Variants in MIER1 observed in about 807,000 individuals in gnomAD.
MIER1 encodes MIER1 transcriptional regulator, also known as mesoderm induction early response protein 1.
A neutral mutation model predicts 75.7 loss-of-function variants in MIER1; 40 were observed. That is an observed-to-expected ratio of 0.53 (90% CI 0.41 to 0.69). The LOEUF (loss-of-function observed/expected upper bound fraction) is 0.69, where lower values mean the gene tolerates loss of function less well. Among genes scored for constraint, MIER1 ranks in the 30% least tolerant of loss-of-function variants. The pLI is 0.00. For synonymous variants in MIER1, 213 were observed against 223.4 expected (o/e 0.95, Z 0.42); for missense variants, 574 against 680.2 (o/e 0.84, Z 1.74).
At chr1:66,941,095 A>G (rs558140292) in intron 3 of MIER1, among the ~76,000 whole-genome samples, 4 of 152,338 alleles carry the variant, frequency 2.6e-5, no homozygotes, top group African/African-American at 7.2e-5. Flanking sequence ...AATGCTTAAC[A>G]TAAGATAAGC....
chr1:66,941,167 T>G (rs1157158182), intron 3 of MIER1, among the ~76,000 whole-genome samples: 1 of 152,224 alleles, frequency 6.6e-6, no homozygotes, highest in African/African-American at 2.4e-5. Context: ...AGGGTTGGAC[T>G]AGATCACATC....
intron 2 of MIER1, among the ~76,000 whole-genome samples, chr1:66,939,723 C>T (rs1295304631): frequency 1.3e-5 from 2 of 152,024 alleles, no homozygotes; most frequent in Non-Finnish European, 2.9e-5. Flanking sequence ...TAAAATCATA[C>T]TACTTAAACC....
At chr1:66,973,192 A>G (rs1172386459) in intron 11 of MIER1, among the ~76,000 whole-genome samples, 1 of 152,040 alleles carries the variant, frequency 6.6e-6, no homozygotes, top group Non-Finnish European at 1.5e-5. Flanking sequence ...TTTTCAGTGC[A>G]TCATATTGCA....
At chr1:66,928,554 A>T (rs1244342863) in intron 2 of MIER1, among the ~76,000 whole-genome samples, 1 of 152,124 alleles carries the variant, frequency 6.6e-6, no homozygotes, top group African/African-American at 2.4e-5. Context: ...GTCTGTACCC[A>T]CCTCAGGTCC....
At position 66,925,635 on chromosome 1, in the gene MIER1, C is replaced by A. The variant is rs370850729; in HGVS notation, c.68-507C>A. ...CTGTAAGGAAACGAGGTCCTCCTAG[C>A]GCGTGGGAGGATCCCTTGGGACAGA... On this transcript the variant is annotated intron_variant, in intron 1 of 13. Transcript: ENST00000401041. The A allele has an allele frequency of 4.7e-5, 36 of 766,790 alleles. No individual in the cohort carries two copies. The South Asian group carries it at 1.5e-3, about 31-fold the overall frequency. 47.5% of individuals were successfully genotyped at this position (766,790 alleles called of 1,614,324 possible).
intron 13 of MIER1, among the ~76,000 whole-genome samples, chr1:66,982,535 A>G (rs1008940540): frequency 2.0e-5 from 3 of 152,214 alleles, no homozygotes; most frequent in African/African-American, 7.2e-5. Flanking sequence ...CAGTAGTAAG[A>G]GCCAGAGAAT....
chr1:66,977,039 A>G (rs192401473), intron 12 of MIER1, among the ~76,000 whole-genome samples: 2 of 152,298 alleles, frequency 1.3e-5, no homozygotes, highest in East Asian at 3.9e-4. Context: ...GAAGAAATGG[A>G]TCAGAACAGC....
chr1:66,975,769 C>T (rs1664585119), intron 11 of MIER1, among the ~76,000 whole-genome samples: 1 of 152,088 alleles, frequency 6.6e-6, no homozygotes, highest in African/African-American at 2.4e-5. Context: ...GTAAACAAAG[C>T]ATTAGCATTA....
chr1:66,952,634 T>C (rs560028803), intron 4 of MIER1, among the ~76,000 whole-genome samples: 1 of 152,296 alleles, frequency 6.6e-6, no homozygotes, highest in African/African-American at 2.4e-5. Flanking sequence ...TCTGCTTTTC[T>C]ACATGGTTTA....
At position 66,984,794 on chromosome 1, in the gene MIER1, G is replaced by A; in HGVS notation, c.1592G>A (p.Arg531Lys). The A allele has an allele frequency of 1.2e-6, 2 of 1,614,010 alleles. No homozygotes were observed. The highest frequency in any genetic ancestry group is 8.5e-7 in the Non-Finnish European group (1 of 1,179,930). Reference sequence around the variant, plus strand: ...GAAAAAAGTGAGAGACCTGCCAAAAGGCGAAGGGTAAACAGCAATGGAAAA... The same window carrying A: ...GAAAAAAGTGAGAGACCTGCCAAAAAGCGAAGGGTAAACAGCAATGGAAAA... ...FDEKSERPAK[R>K]RRVNSNGKES... Residue 531 changes from arginine to lysine, a missense_variant, in exon 14 of 14, where the codon AGG becomes AAG. Arg to Lys is a conservative substitution (Grantham distance 26). Around this residue, in one of 3 missense-constraint regions of MIER1, gnomAD observed 164 missense variants for 154.3 expected, o/e 1.06. Transcript: ENST00000401041.
At chr1:66,930,170 G>A in intron 2 of MIER1, 1 of 1,285,772 alleles carries the variant, frequency 7.8e-7, no homozygotes, top group Non-Finnish European at 9.9e-7. Flanking sequence ...CGTGCTCGCT[G>A]GTCTTTTCCC....
intron 8 of MIER1, 130 bp from the exon 9 acceptor site, chr1:66,970,678 G>A: frequency 1.7e-6 from 1 of 577,024 alleles, no homozygotes; most frequent in Non-Finnish European, 2.8e-6. Flanking sequence ...ACGAAGTCAG[G>A]CAAGTAGTAG....
intron 9 of MIER1, 68 bp downstream of exon 9, chr1:66,971,027 A>T (rs1663488331): frequency 9.2e-6 from 13 of 1,416,520 alleles, no homozygotes; most frequent in Non-Finnish European, 1.2e-5. Flanking sequence ...TGTCACTTGC[A>T]TTGTTGTTAT....
At chr1:66,969,127 A>G (rs1184826082) in intron 8 of MIER1, among the ~76,000 whole-genome samples, 2 of 152,228 alleles carry the variant, frequency 1.3e-5, no homozygotes, top group Non-Finnish European at 2.9e-5. Flanking sequence ...GATGTTTATT[A>G]AGGAAGATTT....
At chr1:66,959,832 G>A (rs1278173252) in intron 7 of MIER1, 89 bp downstream of exon 7, 13 of 527,892 alleles carry the variant, frequency 2.5e-5, no homozygotes, top group African/African-American at 2.0e-4. Flanking sequence ...TACTAACTAT[G>A]TATATTGATA....
rs2102183319 is a variant in MIER1 at position 66,987,865 on chromosome 1, T to TATAA, written c.*2965_*2966insATAA. On this transcript the variant is annotated 3_prime_UTR_variant, in exon 14 of 14. Coordinates refer to ENST00000401041, the MANE Select transcript of MIER1 (RefSeq NM_001077700.3). ...TACCACATCTTGGGTGATGTATTTTTGTCTTCTTCCCCTTTGCCACAAGAG... is the reference window on the plus strand; with the variant it reads ...TACCACATCTTGGGTGATGTATTTTTATAAGTCTTCTTCCCCTTTGCCACAAGAG... 1 of 152,422 alleles carries TATAA rather than the reference T, an allele frequency of 6.6e-6. No homozygotes were observed. Among genetic ancestry groups the TATAA allele is most frequent in the Non-Finnish European group, 1.5e-5 (1 of 67,988 alleles). The allele number at this position is 152,422 out of a possible 1,614,324, so 9.4% of individuals were successfully genotyped here.
At chr1:66,950,473 T>A (rs1338049813) in intron 4 of MIER1, among the ~76,000 whole-genome samples, 1 of 152,174 alleles carries the variant, frequency 6.6e-6, no homozygotes, top group African/African-American at 2.4e-5. Context: ...CCAAATGAAC[T>A]CTTTAAACTC....
chr1:66,974,329 A>C (rs1435165539), intron 11 of MIER1, among the ~76,000 whole-genome samples: 1 of 152,170 alleles, frequency 6.6e-6, no homozygotes, highest in African/African-American at 2.4e-5. Flanking sequence ...CATTCAAGAA[A>C]AGGAGTGCAT....
chr1:66,932,751 C>T (rs540142570), intron 2 of MIER1: 1 of 151,950 alleles, frequency 6.6e-6, no homozygotes, highest in East Asian at 1.9e-4. Context: ...TGCAAAGCAA[C>T]AGTATATATC....
Sources: gnomAD v4.1 joint callset for allele counts (sites outside exome capture counted in the v4.1 genomes callset) on GRCh38, gnomAD v4.1.1 for gene constraint, gnomAD v4.1.1 regional missense constraint, MANE v1.5 for transcripts, NCBI Gene and HGNC (gene_info 2026-07-23, HGNC 2026-07-21) for gene names.